ARHGAP42: variants seen among roughly 807,000 people sequenced by gnomAD.
ARHGAP42 encodes the protein Rho GTPase activating protein 42.
In ARHGAP42, 63 loss-of-function variants were observed where a neutral mutation model predicts 125.0. That is an observed-to-expected ratio of 0.50 (90% CI 0.41 to 0.62). The LOEUF is 0.62. Ranked by LOEUF, ARHGAP42 falls within the 20% of genes least tolerant of loss-of-function variation. The pLI is 0.00. For synonymous variants in ARHGAP42, 339 were observed against 351.0 expected (o/e 0.97, Z 0.38); for missense variants, 766 against 1,024.2 (o/e 0.75, Z 3.44).
chr11:100,735,497 CTTCT>C (rs1778314399), intron 1 of ARHGAP42, among the ~76,000 whole-genome samples: 2 of 150,022 alleles, frequency 1.3e-5, no homozygotes, highest in South Asian at 4.2e-4. Flanking sequence ...TTTAAGTCAT[CTTCT>C]TTCTTTGCAT....
At chr11:100,729,293 G>T (rs2120299252) in intron 1 of ARHGAP42, among the ~76,000 whole-genome samples, 1 of 151,850 alleles carries the variant, frequency 6.6e-6, no homozygotes, top group East Asian at 1.9e-4. Flanking sequence ...CTGATTTTAA[G>T]AAATTATACA....
At chr11:100,980,559 C>CTTCTTCTTTTTTTT (rs1555037006) in intron 22 of ARHGAP42, among the ~76,000 whole-genome samples, 10 of 51,962 alleles carry the variant, frequency 1.9e-4, no homozygotes, top group Admixed American at 3.5e-4. Flanking sequence ...TTTTCTTCTT[C>CTTCTTCTTTTTTTT]TTTTTTTTTT....
At chr11:100,704,563 T>A (rs1396590331) in intron 1 of ARHGAP42, among the ~76,000 whole-genome samples, 8 of 152,132 alleles carry the variant, frequency 5.3e-5, no homozygotes, top group Non-Finnish European at 8.8e-5. Context: ...TCTGTGAGTA[T>A]TCATGGCTGG....
rs377737036 is a variant in ARHGAP42 at position 100,722,543 on chromosome 11, A to C, written c.154+34711A>C. On this transcript the variant is annotated intron_variant, in intron 1 of 23. Transcript: ENST00000298815. ...GTAGCTGGGATTACAGGCATGCACC[A>C]CCATGCCTGGGTAATTTTGTATTTT... 5.0e-4 allele frequency among the ~76,000 whole-genome samples: 76 copies of C among 151,992 alleles called. 1 individual carries two copies. The highest frequency in any genetic ancestry group is 5.0e-3 in the Admixed American group (76 of 15,282).
At chr11:100,774,804 C>G in intron 2 of ARHGAP42, among the ~76,000 whole-genome samples, 1 of 152,200 alleles carries the variant, frequency 6.6e-6, no homozygotes, top group Middle Eastern at 3.2e-3. Flanking sequence ...CCATGTCTGG[C>G]CTGTACATCT....
intron 4 of ARHGAP42, among the ~76,000 whole-genome samples, chr11:100,904,641 C>T (rs545496186): frequency 1.1e-4 from 16 of 152,212 alleles, no homozygotes; most frequent in African/African-American, 3.9e-4. Flanking sequence ...CAACTCCCAC[C>T]TGACCTCCCC....
intron 4 of ARHGAP42, among the ~76,000 whole-genome samples, chr11:100,907,365 A>C (rs886952376): frequency 6.6e-6 from 1 of 152,152 alleles, no homozygotes; most frequent in Non-Finnish European, 1.5e-5. Flanking sequence ...TGTAAATGCG[A>C]ATGTGAATCC....
intron 3 of ARHGAP42, among the ~76,000 whole-genome samples, chr11:100,830,942 C>T (rs1328237983): frequency 2.6e-5 from 4 of 151,774 alleles, no homozygotes; most frequent in African/African-American, 7.3e-5. Flanking sequence ...CTTAAAATAC[C>T]GTGAGTAATG....
intron 3 of ARHGAP42, among the ~76,000 whole-genome samples, chr11:100,852,014 T>G (rs1054307881): frequency 1.3e-5 from 2 of 152,144 alleles, no homozygotes; most frequent in Non-Finnish European, 2.9e-5. Flanking sequence ...TGAGCCTGCT[T>G]TAACACACTG....
At chr11:100,929,937 G>T (rs1256991577) in intron 6 of ARHGAP42, among the ~76,000 whole-genome samples, 1 of 152,030 alleles carries the variant, frequency 6.6e-6, no homozygotes, top group African/African-American at 2.4e-5. Flanking sequence ...TTGTAATGGG[G>T]TTATTTTAAA....
At chr11:100,770,275 A>G (rs1202025429) in intron 1 of ARHGAP42, 68 bp from the exon 2 acceptor site, 2 of 1,040,090 alleles carry the variant, frequency 1.9e-6, no homozygotes, top group Non-Finnish European at 1.4e-6. Context: ...ATAATTTTAC[A>G]TTTGGAAACT....
intron 12 of ARHGAP42, among the ~76,000 whole-genome samples, chr11:100,953,092 G>A (rs1460205394): frequency 4.0e-5 from 6 of 151,888 alleles, no homozygotes; most frequent in Admixed American, 2.0e-4. Context: ...TTTGTCAGGC[G>A]CTCTAACCAT....
intron 3 of ARHGAP42, among the ~76,000 whole-genome samples, chr11:100,819,570 G>A (rs1273278137): frequency 6.6e-6 from 1 of 152,142 alleles, no homozygotes; most frequent in African/African-American, 2.4e-5. Flanking sequence ...TATGAAATTT[G>A]TGCATCTTGC....
chr11:100,691,366 GC>G (rs1234174007), intron 1 of ARHGAP42, among the ~76,000 whole-genome samples: 2 of 151,866 alleles, frequency 1.3e-5, no homozygotes, highest in Non-Finnish European at 2.9e-5. Context: ...TATATAATTT[GC>G]CTTTTACTTT....
chr11:100,978,049 T>C (rs934945077), intron 21 of ARHGAP42, among the ~76,000 whole-genome samples: 2 of 152,134 alleles, frequency 1.3e-5, no homozygotes, highest in African/African-American at 4.8e-5. Flanking sequence ...GCAAATATAT[T>C]TGTCAGTGTG....
rs1390733672 is a variant in ARHGAP42, at chr11:100,988,822, T to C, written c.*21T>C. The C allele has an allele frequency of 6.8e-7, 1 of 1,474,844 alleles. No individual in the cohort carries two copies. Among genetic ancestry groups the C allele is most frequent in the East Asian group, 2.5e-5 (1 of 40,478 alleles). 91.4% of individuals were successfully genotyped at this position (1,474,844 alleles called of 1,614,324 possible). A position where few individuals can be genotyped will look rare whatever the true frequency, so the allele number is the denominator to read the frequency against. ...TCTAATACTATTTAGTGGATGGCAG[T>C]ATCTTCATGGTATCCATGGTAACGA... On this transcript the variant is annotated 3_prime_UTR_variant, in exon 24 of 24. Transcript: ENST00000298815.
intron 1 of ARHGAP42, among the ~76,000 whole-genome samples, chr11:100,742,217 T>G (rs1327656141): frequency 6.6e-6 from 1 of 152,236 alleles, no homozygotes; most frequent in African/African-American, 2.4e-5. Flanking sequence ...TTTTTGTGTG[T>G]AATTTATACA....
chr11:100,759,591 C>T (rs1337739248), intron 1 of ARHGAP42, among the ~76,000 whole-genome samples: 4 of 152,058 alleles, frequency 2.6e-5, no homozygotes, highest in African/African-American at 9.6e-5. Context: ...GGATCATTGT[C>T]TAGGGTATTT....
chr11:100,884,226 A>G (rs1376352771), intron 4 of ARHGAP42, among the ~76,000 whole-genome samples: 2 of 152,214 alleles, frequency 1.3e-5, no homozygotes, highest in African/African-American at 4.8e-5. Context: ...TGAGTTGCTC[A>G]AGTTACTGTT....
Sources: gnomAD v4.1 joint callset for allele counts (sites outside exome capture counted in the v4.1 genomes callset) on GRCh38, gnomAD v4.1.1 for gene constraint, MANE v1.5 for transcripts, NCBI Gene and HGNC (gene_info 2026-07-23, HGNC 2026-07-21) for gene names.